CCND3: variants seen among roughly 807,000 people sequenced by gnomAD.
CCND3 encodes cyclin D3, also known as G1/S-specific cyclin-D3.
Under a neutral mutation model 28.7 loss-of-function variants are expected in CCND3, and 9 were observed. That is an observed-to-expected ratio of 0.31 (90% CI 0.19 to 0.55). CCND3 has a LOEUF of 0.55. Ranked by LOEUF, CCND3 falls within the 20% of genes least tolerant of loss-of-function variation. CCND3 has a pLI of 0.93. For missense variants in CCND3, 315 were observed against 385.8 expected (o/e 0.82, Z 1.54); for synonymous variants, 164 against 163.9 (o/e 1.00, Z 0.00).
chr6:41,983,203 C>A (rs1762395878), intron 1 of CCND3, among the ~76,000 whole-genome samples: 1 of 151,646 alleles, frequency 6.6e-6, no homozygotes, highest in South Asian at 2.1e-4. Context: ...CATGGCGAAA[C>A]CCTGTCTGTA....
At chr6:42,025,414 G>A (rs963216886) in intron 1 of CCND3, among the ~76,000 whole-genome samples, 3 of 152,238 alleles carry the variant, frequency 2.0e-5, no homozygotes, top group Non-Finnish European at 4.4e-5. Context: ...CACGGGTAAT[G>A]GGAAGAATGG....
intron 1 of CCND3, among the ~76,000 whole-genome samples, chr6:41,978,949 A>T (rs953195088): frequency 6.6e-6 from 1 of 150,792 alleles, no homozygotes; most frequent in African/African-American, 2.4e-5. Flanking sequence ...AGGTAGGCGG[A>T]TTACCTGAGG....
intron 1 of CCND3, among the ~76,000 whole-genome samples, chr6:41,951,340 G>A (rs1200965976): frequency 6.6e-6 from 1 of 151,734 alleles, no homozygotes; most frequent in East Asian, 2.0e-4. Context: ...TGGATCCGAA[G>A]TCAAGAGATC....
chr6:41,951,565 C>CAAAA (rs1248664090), intron 1 of CCND3, among the ~76,000 whole-genome samples: 3 of 47,558 alleles, frequency 6.3e-5, no homozygotes, highest in Non-Finnish European at 9.6e-5. Flanking sequence ...CACACACACA[C>CAAAA]ACACACACAC....
intron 1 of CCND3, among the ~76,000 whole-genome samples, chr6:42,029,606 G>A (rs1763986132): frequency 6.6e-6 from 1 of 152,070 alleles, no homozygotes; most frequent in East Asian, 1.9e-4. Flanking sequence ...GGGAGGCCGA[G>A]ATGAGCAGAT....
At chr6:42,001,580 C>T (rs1034535462) in intron 1 of CCND3, among the ~76,000 whole-genome samples, 2 of 152,014 alleles carry the variant, frequency 1.3e-5, no homozygotes, top group Non-Finnish European at 2.9e-5. Context: ...GAGACTGAAC[C>T]AAAATGGGCC....
intron 1 of CCND3, among the ~76,000 whole-genome samples, chr6:41,986,658 C>T (rs1561973854): frequency 6.6e-6 from 1 of 151,930 alleles, no homozygotes; most frequent in African/African-American, 2.4e-5. Context: ...TTAGCTCTAA[C>T]AGCTTTTTGG....
At chr6:42,044,703 T>A (rs1048908163) in intron 1 of CCND3, among the ~76,000 whole-genome samples, 1 of 152,206 alleles carries the variant, frequency 6.6e-6, no homozygotes. Context: ...TTTGCTGCAA[T>A]CTTCCAGAAT....
intron 1 of CCND3, among the ~76,000 whole-genome samples, chr6:42,042,104 T>C (rs1764385590): frequency 1.3e-5 from 2 of 152,218 alleles, no homozygotes; most frequent in African/African-American, 4.8e-5. Flanking sequence ...AGGCCAGAGC[T>C]TGTGGACCGA....
At chr6:41,959,747 G>GT (rs1761658250) in intron 1 of CCND3, among the ~76,000 whole-genome samples, 1 of 151,856 alleles carries the variant, frequency 6.6e-6, no homozygotes, top group Non-Finnish European at 1.5e-5. Context: ...CACGAGGTCA[G>GT]GAGCTGGAGA....
intron 1 of CCND3, among the ~76,000 whole-genome samples, chr6:41,984,235 A>C (rs746897432): frequency 2.0e-5 from 3 of 152,250 alleles, no homozygotes; most frequent in Non-Finnish European, 4.4e-5. Context: ...AATTGGGAAT[A>C]ACACTGCTAT....
chr6:41,937,102 G>T, intron 3 of CCND3, 133 bp downstream of exon 3: 1 of 963,046 alleles, frequency 1.0e-6, no homozygotes, highest in Non-Finnish European at 1.6e-6. Context: ...TCTGCATTGA[G>T]ACTGGGGGCT....
At chr6:42,023,252 T>G (rs1358707821) in intron 1 of CCND3, among the ~76,000 whole-genome samples, 1 of 152,182 alleles carries the variant, frequency 6.6e-6, no homozygotes, top group African/African-American at 2.4e-5. Flanking sequence ...GGTTTTTTGT[T>G]GATTTCGCTG....
intron 1 of CCND3, among the ~76,000 whole-genome samples, chr6:41,979,271 C>T (rs376087524): frequency 5.9e-5 from 9 of 151,494 alleles, no homozygotes; most frequent in Non-Finnish European, 1.5e-5. Flanking sequence ...CAGTGGCTCA[C>T]ACCTGTAATC....
rs1764607665 is a variant in CCND3 at position 42,048,343 on chromosome 6, C to T, written c.-46+158G>A. The stretch of plus-strand genomic sequence containing the variant: ...TGCCCTTCAATTCCGTGCAGAACAC[C>T]TCACTCAGTGGGAAAGTGAGCCAAG... On this transcript the variant is annotated intron_variant, in intron 1 of 4. Coordinates refer to the CCND3 transcript ENST00000372988. This position sits in a 1 kb window ranked among gnomAD's most constrained non-coding sequence, Gnocchi z 4.7. The T allele has an allele frequency of 1.2e-5, 4 of 342,168 alleles. No individual in the cohort carries two copies. The Admixed American group carries it at 1.2e-4, about 11-fold the overall frequency. The allele number at this position is 342,168 out of a possible 1,614,324, so 21.2% of individuals were successfully genotyped here. A position where few individuals can be genotyped will look rare whatever the true frequency, so the allele number is the denominator to read the frequency against.
intron 1 of CCND3, among the ~76,000 whole-genome samples, chr6:42,009,139 G>C (rs1763261548): frequency 6.6e-6 from 1 of 152,186 alleles, no homozygotes; most frequent in African/African-American, 2.4e-5. Context: ...TGAGTGGACT[G>C]CTCTTCCCTC....
intron 1 of CCND3, among the ~76,000 whole-genome samples, chr6:41,986,372 ATTAAT>A (rs1435889883): frequency 2.0e-3 from 6 of 3,006 alleles, no homozygotes; most frequent in African/African-American, 2.2e-3. Flanking sequence ...TCAGGTAATA[ATTAAT>A]TTAAACATTA....
At chr6:42,026,706 T>A (rs1034051196) in intron 1 of CCND3, among the ~76,000 whole-genome samples, 1 of 152,176 alleles carries the variant, frequency 6.6e-6, no homozygotes, top group Non-Finnish European at 1.5e-5. Context: ...GTCAGCTAAG[T>A]GTGGCATGTG....
intron 1 of CCND3, among the ~76,000 whole-genome samples, chr6:41,992,809 A>G (rs1375485371): frequency 6.6e-6 from 1 of 151,648 alleles, no homozygotes; most frequent in Non-Finnish European, 1.5e-5. Context: ...TGGTTCCACT[A>G]TCATGGCTCA....
Sources: gnomAD v4.1 joint callset for allele counts (sites outside exome capture counted in the v4.1 genomes callset) on GRCh38, gnomAD v4.1.1 for gene constraint, Gnocchi (gnomAD v3.1) non-coding constraint, MANE v1.5 for transcripts, NCBI Gene and HGNC (gene_info 2026-07-23, HGNC 2026-07-21) for gene names.